STAG1: variants seen among roughly 807,000 people sequenced by gnomAD.
The protein encoded by STAG1 is cohesin subunit SA-1.
STAG1 carries 26 observed loss-of-function variants against 170.9 expected under a neutral mutation model. The observed-to-expected ratio is 0.15, with a 90% CI of 0.11 to 0.21. STAG1 has a LOEUF of 0.21. Ranked by LOEUF, STAG1 falls within the 10% of genes least tolerant of loss-of-function variation. The pLI is 1.00. For missense variants in STAG1, 964 were observed against 1,509.5 expected (o/e 0.64, Z 5.99); for synonymous variants, 514 against 497.7 (o/e 1.03, Z -0.44).
At chr3:136,454,096 CTATT>C (rs1486541629) in intron 13 of STAG1, among the ~76,000 whole-genome samples, 11 of 152,166 alleles carry the variant, frequency 7.2e-5, no homozygotes, top group African/African-American at 2.4e-4. Context: ...ATATACCAAT[CTATT>C]TATTTATTTT....
At chr3:136,531,270 G>C (rs1177784694) in intron 6 of STAG1, among the ~76,000 whole-genome samples, 1 of 149,420 alleles carries the variant, frequency 6.7e-6, no homozygotes, top group Non-Finnish European at 1.5e-5. Context: ...ACAGGTGCTG[G>C]AGAGGATGTG....
chr3:136,514,925 G>C (rs929192356), intron 7 of STAG1, among the ~76,000 whole-genome samples: 5 of 152,112 alleles, frequency 3.3e-5, no homozygotes, highest in Non-Finnish European at 5.9e-5. Context: ...GGTGGGGGCA[G>C]GGGGAGGGAT....
At chr3:136,707,578 T>TTTATTTCG (rs3066792) in intron 1 of STAG1, among the ~76,000 whole-genome samples, 152,051 of 152,290 alleles carry the variant, frequency 1, 75,906 homozygotes, top group East Asian at 1. Context: ...TGAAAAGAAG[T>TTTATTTCG]TTCATGGTTC....
intron 9 of STAG1, among the ~76,000 whole-genome samples, chr3:136,499,507 C>G (rs1040718948): frequency 6.6e-6 from 1 of 152,186 alleles, no homozygotes; most frequent in East Asian, 1.9e-4. Context: ...GGTCTGAAAA[C>G]AGTGCTTCTA....
chr3:136,393,984 C>T (rs2087080338), intron 22 of STAG1, among the ~76,000 whole-genome samples: 1 of 152,174 alleles, frequency 6.6e-6, no homozygotes, highest in Non-Finnish European at 1.5e-5. Flanking sequence ...TCACTGCAAC[C>T]TCCGCCTCCT....
intron 4 of STAG1, among the ~76,000 whole-genome samples, chr3:136,583,846 G>T (rs558684905): frequency 1.3e-5 from 2 of 152,168 alleles, no homozygotes; most frequent in South Asian, 4.2e-4. Context: ...TTAGACAGAA[G>T]ATCAATTATA....
intron 22 of STAG1, among the ~76,000 whole-genome samples, chr3:136,393,528 G>A (rs946447845): frequency 1.1e-4 from 17 of 149,542 alleles, no homozygotes; most frequent in African/African-American, 2.4e-5. Flanking sequence ...ATGAACAAAC[G>A]AGCAAACAAA....
chr3:136,610,032 ATTTTCTTTT>A (rs995702663), intron 3 of STAG1, among the ~76,000 whole-genome samples: 4 of 151,886 alleles, frequency 2.6e-5, no homozygotes, highest in Non-Finnish European at 5.9e-5. Context: ...TTATAGCAGA[ATTTTCTTTT>A]TTTTCTTTTT....
intron 6 of STAG1, among the ~76,000 whole-genome samples, chr3:136,533,911 T>G (rs1440399134): frequency 1.3e-5 from 2 of 152,058 alleles, no homozygotes; most frequent in Non-Finnish European, 2.9e-5. Context: ...AAAAGAGAAC[T>G]GGAATAGCCA....
chr3:136,528,466 AT>A lies in STAG1; in HGVS notation c.472-7050del, dbSNP rs540527247. On this transcript the variant is annotated intron_variant, in intron 6 of 33. Transcript: ENST00000383202. ...AACTTGACATCTCCAAAGGAATACA[AT>A]AATTCCCCAGCAACAGATGTCCCCG... is the stretch of plus-strand genomic sequence containing the variant. Among the ~76,000 whole-genome samples, 4 of 149,554 alleles carry A rather than the reference AT, an allele frequency of 2.7e-5. No individual in the cohort carries two copies. In the South Asian group the frequency reaches 6.4e-4, roughly 24 times the overall value.
chr3:136,385,828 A>C (rs1421587996), intron 22 of STAG1, among the ~76,000 whole-genome samples: 1 of 151,962 alleles, frequency 6.6e-6, no homozygotes, highest in African/African-American at 2.4e-5. Context: ...CAGCCTCCCA[A>C]GGGGCTGGGA....
At chr3:136,529,993 G>A (rs1292693339) in intron 6 of STAG1, among the ~76,000 whole-genome samples, 2 of 152,064 alleles carry the variant, frequency 1.3e-5, no homozygotes, top group African/African-American at 4.8e-5. Context: ...CACAAGTAAT[G>A]CACTTTACCT....
chr3:136,390,378 A>T (rs1226679680), intron 22 of STAG1, among the ~76,000 whole-genome samples: 1 of 152,210 alleles, frequency 6.6e-6, no homozygotes, highest in Non-Finnish European at 1.5e-5. Flanking sequence ...TACATTCCAG[A>T]TTCTTTTAAA....
intron 15 of STAG1, among the ~76,000 whole-genome samples, chr3:136,436,473 G>A (rs1315197522): frequency 6.6e-6 from 1 of 151,962 alleles, no homozygotes; most frequent in African/African-American, 2.4e-5. Flanking sequence ...GTAGAGACAG[G>A]GTTTCACCAT....
intron 1 of STAG1, among the ~76,000 whole-genome samples, chr3:136,639,914 A>G (rs1490651095): frequency 6.6e-6 from 1 of 152,218 alleles, no homozygotes; most frequent in East Asian, 1.9e-4. Flanking sequence ...GTATATATTA[A>G]ACCCACTAAA....
At chr3:136,544,475 G>A (rs1936055541) in intron 5 of STAG1, among the ~76,000 whole-genome samples, 1 of 152,048 alleles carries the variant, frequency 6.6e-6, no homozygotes, top group East Asian at 1.9e-4. Context: ...ATTAATAATA[G>A]CTTTTGGCCA....
intron 1 of STAG1, among the ~76,000 whole-genome samples, chr3:136,715,690 G>C (rs1379553184): frequency 1.3e-5 from 2 of 151,662 alleles, no homozygotes; most frequent in African/African-American, 4.8e-5. Flanking sequence ...CACAATAAAA[G>C]GGAATTGTGA....
chr3:136,555,474 A>C (rs930087726), intron 5 of STAG1, among the ~76,000 whole-genome samples: 4 of 152,304 alleles, frequency 2.6e-5, no homozygotes, highest in South Asian at 2.1e-4. Flanking sequence ...ACTGGAGGTC[A>C]GGAGTTTGAG....
At chr3:136,632,302 A>G (rs1278758228) in intron 1 of STAG1, among the ~76,000 whole-genome samples, 2 of 152,326 alleles carry the variant, frequency 1.3e-5, no homozygotes, top group South Asian at 2.1e-4. Context: ...ATCTAATAAA[A>G]CTTACAAAGA....
Sources: gnomAD v4.1 joint callset for allele counts (sites outside exome capture counted in the v4.1 genomes callset) on GRCh38, gnomAD v4.1.1 for gene constraint, MANE v1.5 for transcripts, NCBI Gene and HGNC (gene_info 2026-07-23, HGNC 2026-07-21) for gene names.